Variants in AFAP1 observed in about 807,000 individuals in gnomAD.
AFAP1 encodes the protein actin filament associated protein 1.
In AFAP1, 75 loss-of-function variants were observed where a neutral mutation model predicts 93.9. The observed-to-expected ratio is 0.80, with a 90% CI of 0.66 to 0.97. The LOEUF is 0.97. AFAP1 is among the 50% of genes least tolerant of loss of function. The pLI is 0.00. For missense variants in AFAP1, 1,201 were observed against 1,050.8 expected (o/e 1.14, Z -1.98); for synonymous variants, 517 against 430.7 (o/e 1.20, Z -2.48).
intron 6 of AFAP1, among the ~76,000 whole-genome samples, chr4:7,829,376 T>C (rs1401270624): frequency 6.6e-6 from 1 of 152,116 alleles, no homozygotes; most frequent in Non-Finnish European, 1.5e-5. Flanking sequence ...TAACTGCCTA[T>C]CTGACTACAA....
intron 4 of AFAP1, among the ~76,000 whole-genome samples, chr4:7,846,450 G>A (rs925046397): frequency 6.6e-6 from 1 of 152,170 alleles, no homozygotes; most frequent in Non-Finnish European, 1.5e-5. Context: ...GTAAACTGAG[G>A]GGTTCTGGAG....
At chr4:7,811,347 C>A (rs1241524403) in intron 8 of AFAP1, among the ~76,000 whole-genome samples, 1 of 152,128 alleles carries the variant, frequency 6.6e-6, no homozygotes, top group Non-Finnish European at 1.5e-5. Context: ...CACACACATC[C>A]CACGGAAGAA....
intron 1 of AFAP1, among the ~76,000 whole-genome samples, chr4:7,922,346 G>A (rs1337276828): frequency 6.6e-6 from 1 of 152,190 alleles, no homozygotes; most frequent in African/African-American, 2.4e-5. Flanking sequence ...TACTATCAGA[G>A]TTCAAAGGAA....
intron 9 of AFAP1, among the ~76,000 whole-genome samples, chr4:7,805,467 T>C (rs562635311): frequency 3.3e-4 from 50 of 152,240 alleles, no homozygotes; most frequent in African/African-American, 1.1e-3. Context: ...CTGGTATGCT[T>C]AGGTGATGTT....
chr4:7,839,073 G>A (rs1352264614), intron 5 of AFAP1, among the ~76,000 whole-genome samples: 1 of 152,164 alleles, frequency 6.6e-6, no homozygotes, highest in East Asian at 1.9e-4. Context: ...GATGGCTCAC[G>A]CCTGTAATCC....
intron 5 of AFAP1, among the ~76,000 whole-genome samples, chr4:7,841,313 T>A (rs544712568): frequency 6.9e-6 from 1 of 144,988 alleles, no homozygotes; most frequent in South Asian, 2.2e-4. Flanking sequence ...ACACACACAC[T>A]GAATGCAGAC....
At chr4:7,938,786 T>C in intron 1 of AFAP1, among the ~76,000 whole-genome samples, 1 of 152,032 alleles carries the variant, frequency 6.6e-6, no homozygotes, top group Non-Finnish European at 1.5e-5. Flanking sequence ...CTCCGGGCAG[T>C]AGGGCCCTGC....
chr4:7,893,599 A>AAAAG (rs1718598243), intron 1 of AFAP1, among the ~76,000 whole-genome samples: 1 of 147,486 alleles, frequency 6.8e-6, no homozygotes, highest in African/African-American at 2.5e-5. Context: ...AAAAAAAAAA[A>AAAAG]GGTTAAGGGT....
chr4:7,865,571 G>T (rs1330408468), intron 3 of AFAP1, among the ~76,000 whole-genome samples: 2 of 152,184 alleles, frequency 1.3e-5, no homozygotes, highest in East Asian at 3.8e-4. Context: ...ATAGGCCAGG[G>T]AAAGCAAGAG....
At chr4:7,893,600 G>C (rs1224660970) in intron 1 of AFAP1, among the ~76,000 whole-genome samples, 1 of 108,140 alleles carries the variant, frequency 9.2e-6, no homozygotes, top group Non-Finnish European at 1.9e-5. Context: ...AAAAAAAAAA[G>C]GTTAAGGGTT....
intron 4 of AFAP1, among the ~76,000 whole-genome samples, chr4:7,845,558 G>C (rs1170689673): frequency 2.6e-5 from 4 of 152,098 alleles, no homozygotes; most frequent in Non-Finnish European, 5.9e-5. Flanking sequence ...GAGGCCACGA[G>C]GGATGCAATG....
chr4:7,889,330 C>A (rs147595520), intron 1 of AFAP1, among the ~76,000 whole-genome samples: 1 of 151,754 alleles, frequency 6.6e-6, no homozygotes, highest in Non-Finnish European at 1.5e-5. Context: ...GGACGGATCA[C>A]GAGGTCAGGA....
chr4:7,761,138 A>G lies in AFAP1; in HGVS notation c.*2627T>C, dbSNP rs1196993998. 1 of 152,200 alleles carries G rather than the reference A, an allele frequency of 6.6e-6. No individual in the cohort carries two copies. Among genetic ancestry groups the G allele is most frequent in the African/African-American group, 2.4e-5 (1 of 41,454 alleles). The allele number at this position is 152,200 out of a possible 1,614,324, so 9.4% of individuals were successfully genotyped here. ...GATGGCTCGCGTGTGTCTAATATGT[A>G]CAGATATAAATTAAAAACTATATTT... On this transcript the variant is annotated 3_prime_UTR_variant, in exon 18 of 18. Coordinates refer to ENST00000420658, the MANE Select transcript of AFAP1 (RefSeq NM_001134647.2).
At chr4:7,785,861 T>A (rs1212747519) in intron 12 of AFAP1, among the ~76,000 whole-genome samples, 1 of 152,096 alleles carries the variant, frequency 6.6e-6, no homozygotes, top group African/African-American at 2.4e-5. Context: ...TCGACTGAGC[T>A]GGGGAGGTTG....
intron 5 of AFAP1, among the ~76,000 whole-genome samples, chr4:7,841,474 G>A (rs1713008113): frequency 6.6e-6 from 1 of 152,238 alleles, no homozygotes; most frequent in Non-Finnish European, 1.5e-5. Flanking sequence ...AGAGCTACCT[G>A]AGCACAGAAG....
intron 1 of AFAP1, among the ~76,000 whole-genome samples, chr4:7,905,200 A>C (rs1028626599): frequency 6.6e-6 from 1 of 152,194 alleles, no homozygotes; most frequent in Non-Finnish European, 1.5e-5. Context: ...AGATGCATAC[A>C]TGTGTCTTGA....
chr4:7,765,566 G>A (rs930576707), intron 17 of AFAP1, among the ~76,000 whole-genome samples: 27 of 152,344 alleles, frequency 1.8e-4, no homozygotes, highest in African/African-American at 6.3e-4. Context: ...GCAGAAGCCT[G>A]GGCTACTCAT....
chr4:7,810,038 C>A (rs1719876990), intron 8 of AFAP1, among the ~76,000 whole-genome samples: 1 of 152,092 alleles, frequency 6.6e-6, no homozygotes, highest in Non-Finnish European at 1.5e-5. Flanking sequence ...AATTTTTGTA[C>A]TTTTTGTAGA....
chr4:7,832,225 T>C (rs574491392), intron 6 of AFAP1, among the ~76,000 whole-genome samples: 2 of 152,096 alleles, frequency 1.3e-5, no homozygotes, highest in South Asian at 4.2e-4. Context: ...CAGTAGAAAC[T>C]TCCAATCACA....
Sources: allele counts gnomAD v4.1 joint callset (sites outside exome capture counted in the v4.1 genomes callset), GRCh38; gene constraint gnomAD v4.1.1; transcripts MANE v1.5; gene names NCBI Gene and HGNC (gene_info 2026-07-23, HGNC 2026-07-21).